IL2RB: variants seen among roughly 807,000 people sequenced by gnomAD.
IL2RB encodes the protein interleukin 2 receptor subunit beta.
In IL2RB, 17 loss-of-function variants were observed where a neutral mutation model predicts 44.2. The observed-to-expected ratio is 0.38, with a 90% confidence interval of 0.26 to 0.58. The LOEUF is 0.58. Ranked by LOEUF, IL2RB falls within the 20% of genes least tolerant of loss-of-function variation. The pLI is 0.63. For synonymous variants in IL2RB, 286 were observed against 297.9 expected (o/e 0.96, Z 0.41); for missense variants, 624 against 685.5 (o/e 0.91, Z 1.00).
intron 1 of IL2RB, among the ~76,000 whole-genome samples, chr22:37,165,369 G>A (rs763311863): frequency 2.6e-5 from 4 of 152,186 alleles, no homozygotes; most frequent in African/African-American, 7.2e-5. Context: ...TTCTCTGACC[G>A]TGGCCTCTCC....
chr22:37,165,551 G>T (rs1422289582), intron 1 of IL2RB, among the ~76,000 whole-genome samples: 1 of 152,188 alleles, frequency 6.6e-6, no homozygotes, highest in African/African-American at 2.4e-5. Flanking sequence ...GAGTTTAGCT[G>T]CAGGGACAGG....
intron 1 of IL2RB, among the ~76,000 whole-genome samples, chr22:37,155,455 A>T (rs551383894): frequency 2.0e-5 from 3 of 152,324 alleles, no homozygotes; most frequent in African/African-American, 7.2e-5. Context: ...CATGTCCTAC[A>T]GGGACTGCCC....
At chr22:37,135,515 C>A in intron 7 of IL2RB, 73 bp from the exon 8 acceptor site, 2 of 891,076 alleles carry the variant, frequency 2.2e-6, no homozygotes, top group Admixed American at 3.6e-5. Context: ...GTCGGTCACC[C>A]CAACACCCCC....
chr22:37,156,736 A>G (rs938284921), intron 1 of IL2RB, among the ~76,000 whole-genome samples: 1 of 152,224 alleles, frequency 6.6e-6, no homozygotes, highest in Admixed American at 6.5e-5. Context: ...GTAGCCAGCT[A>G]TAAGTAGAGG....
chr22:37,153,082 G>A (rs934834423), upstream of IL2RB, among the ~76,000 whole-genome samples: 11 of 152,034 alleles, frequency 7.2e-5, no homozygotes, highest in East Asian at 1.3e-3. Flanking sequence ...TTACAGGCAC[G>A]TGCTACCATG....
chr22:37,137,750 G>A lies in IL2RB; in HGVS notation c.389-15C>T, dbSNP rs768430184. 69 of 1,611,360 alleles carry A rather than the reference G, an allele frequency of 4.3e-5. No homozygotes were observed. In the Middle Eastern group the frequency reaches 6.6e-4, roughly 15 times the overall value. On this transcript the variant is annotated splice_polypyrimidine_tract_variant and intron_variant, in intron 5 of 9. Transcript: ENST00000216223. The stretch of plus-strand genomic sequence containing the variant: ...CATCAGGCGAACTGGAGACAACAGG[G>A]GGTAGGGGAGAGCAGTCAGCCATGA...
At chr22:37,168,892 G>A (rs748244958) in intron 1 of IL2RB, among the ~76,000 whole-genome samples, 2 of 152,214 alleles carry the variant, frequency 1.3e-5, no homozygotes, top group African/African-American at 2.4e-5. Flanking sequence ...TGCTTACAGA[G>A]GGGTTCTTGC....
intron 1 of IL2RB, among the ~76,000 whole-genome samples, chr22:37,159,685 G>A (rs956284504): frequency 3.3e-5 from 5 of 152,182 alleles, no homozygotes; most frequent in African/African-American, 7.2e-5. Context: ...CCTGAAACAC[G>A]CCACAGTGAG....
chr22:37,127,916 T>C lies in IL2RB; in HGVS notation c.*180A>G, dbSNP rs1259453905. 2.3e-6 allele frequency: 1 copy of C among 432,502 alleles called. No individual in the cohort carries two copies. The highest frequency in any genetic ancestry group is 4.0e-6 in the Non-Finnish European group (1 of 251,280). The allele number at this position is 432,502 out of a possible 1,614,324, so 26.8% of individuals were successfully genotyped here. The stretch of plus-strand genomic sequence containing the variant: ...GGGCAGCAGGACCCGGGAGCAGCAG[T>C]GGAGGTTTGGAAATGGATGGACCAA... On this transcript the variant is annotated 3_prime_UTR_variant, in exon 10 of 10. Coordinates refer to ENST00000216223, the MANE Select transcript of IL2RB (RefSeq NM_000878.5).
At chr22:37,138,071 G>T (rs1428610414) in intron 5 of IL2RB, among the ~76,000 whole-genome samples, 2 of 152,204 alleles carry the variant, frequency 1.3e-5, no homozygotes, top group African/African-American at 4.8e-5. Flanking sequence ...CAGGGACTTG[G>T]TTGTCTGCTG....
Position 37,131,230 on chromosome 22 carries a change from T to C in IL2RB, c.903+1154A>G, listed in dbSNP as rs117593704. On this transcript the variant is annotated intron_variant, in intron 9 of 9. Coordinates refer to ENST00000216223, the MANE Select transcript of IL2RB (RefSeq NM_000878.5). The stretch of plus-strand genomic sequence containing the variant: ...AACTAAGATATTCTCATCTTGGGAG[T>C]TTTCCAAGGAGTTCCAGAAGGGGCC... Among the ~76,000 whole-genome samples the C allele has an allele frequency of 2.0e-3, 304 of 148,884 alleles. 14 individuals are homozygous for C. The East Asian group carries it at 0.057, about 28-fold the overall frequency.
chr22:37,167,580 C>T (rs905113272), intron 1 of IL2RB, among the ~76,000 whole-genome samples: 2 of 152,160 alleles, frequency 1.3e-5, no homozygotes, highest in African/African-American at 2.4e-5. Context: ...TTCCCTGCCT[C>T]GAGCCCCTGC....
At chr22:37,171,189 G>T (rs1923272555) in intron 1 of IL2RB, among the ~76,000 whole-genome samples, 1 of 152,152 alleles carries the variant, frequency 6.6e-6, no homozygotes, top group Non-Finnish European at 1.5e-5. Context: ...CACCATGCTG[G>T]CCAGGCTGGT....
chr22:37,158,273 GGC>G (rs1034756274), intron 1 of IL2RB, among the ~76,000 whole-genome samples: 1 of 152,038 alleles, frequency 6.6e-6, no homozygotes, highest in African/African-American at 2.4e-5. Context: ...GGGAGGGCTG[GGC>G]GCGGTGGCTT....
At position 37,160,831 on chromosome 22, in the gene IL2RB, G is replaced by A. The variant is rs186177311; in HGVS notation, c.-34+14127C>T. On this transcript the variant is annotated intron_variant, in intron 1 of 5. Coordinates refer to the IL2RB transcript ENST00000429622. ...ACAGAGCGAGACTGGGTGACAGAGC[G>A]AGACTCAGTCTCAAAAAAACAAACA... Among the ~76,000 whole-genome samples the A allele has an allele frequency of 1.8e-3, 278 of 152,008 alleles. 1 individual carries two copies. In the South Asian group the frequency reaches 0.027, roughly 15 times the overall value.
intron 7 of IL2RB, among the ~76,000 whole-genome samples, chr22:37,135,941 C>A (rs989975439): frequency 2.0e-5 from 3 of 152,176 alleles, no homozygotes; most frequent in African/African-American, 7.2e-5. Context: ...GAGGTGAAAG[C>A]AGCCACCCCC....
At chr22:37,155,078 G>T (rs1922632126) in intron 1 of IL2RB, among the ~76,000 whole-genome samples, 1 of 152,168 alleles carries the variant, frequency 6.6e-6, no homozygotes, top group African/African-American at 2.4e-5. Flanking sequence ...GACTCATACA[G>T]TCTGTCCCCC....
upstream of IL2RB, among the ~76,000 whole-genome samples, chr22:37,154,724 C>T (rs1345506446): frequency 2.0e-5 from 3 of 152,070 alleles, no homozygotes; most frequent in Admixed American, 1.3e-4. Flanking sequence ...TACAGGCACA[C>T]ACCACCACAC....
chr22:37,129,665 C>T (rs1190802732), intron 9 of IL2RB, among the ~76,000 whole-genome samples: 1 of 152,352 alleles, frequency 6.6e-6, no homozygotes, highest in Middle Eastern at 3.4e-3. Flanking sequence ...CTCCTGACTT[C>T]CTTGCTGTCA....
Sources: allele counts gnomAD v4.1 joint callset (sites outside exome capture counted in the v4.1 genomes callset), GRCh38; gene constraint gnomAD v4.1.1; transcripts MANE v1.5; gene names NCBI Gene and HGNC (gene_info 2026-07-23, HGNC 2026-07-21).